TMTC2: variants seen among roughly 807,000 people sequenced by gnomAD.
The protein encoded by TMTC2 is protein O-mannosyl-transferase TMTC2.
In TMTC2, 43 loss-of-function variants were observed where a neutral mutation model predicts 82.4. The ratio of observed to expected loss-of-function variants is 0.52; its 90% CI spans 0.41 to 0.67. The LOEUF is 0.67. Among genes scored for constraint, TMTC2 ranks in the 30% least tolerant of loss-of-function variants. The pLI, the probability that TMTC2 is intolerant of heterozygous loss-of-function variation, is 0.00. For synonymous variants in TMTC2, 408 were observed against 381.9 expected, an observed-to-expected ratio of 1.07 and a Z score of -0.80; for missense variants, 919 against 1,012.4, an observed-to-expected ratio of 0.91 and a Z score of 1.25.
intron 11 of TMTC2, among the ~76,000 whole-genome samples, chr12:83,123,387 C>A (rs1885013972): frequency 6.6e-6 from 1 of 152,254 alleles, no homozygotes; most frequent in East Asian, 1.9e-4. Context: ...ATTTGCCTTG[C>A]CATTGCTAGA....
At chr12:82,943,740 T>C (rs2137266356) in intron 4 of TMTC2, among the ~76,000 whole-genome samples, 1 of 152,378 alleles carries the variant, frequency 6.6e-6, no homozygotes, top group South Asian at 2.1e-4. Flanking sequence ...TTTATAAATA[T>C]GAATTTACAT....
At chr12:82,874,517 T>A (rs911548755) in intron 2 of TMTC2, among the ~76,000 whole-genome samples, 1 of 152,246 alleles carries the variant, frequency 6.6e-6, no homozygotes. Flanking sequence ...AACAAAAGAT[T>A]AAGTTCCAAA....
intron 1 of TMTC2, among the ~76,000 whole-genome samples, chr12:82,733,792 T>G (rs945754606): frequency 6.6e-5 from 10 of 152,248 alleles, no homozygotes; most frequent in Admixed American, 3.3e-4. Flanking sequence ...ATTTGTGTAC[T>G]TCTCTATAGA....
At chr12:83,050,732 G>A (rs1882315116) in intron 9 of TMTC2, among the ~76,000 whole-genome samples, 172 bp from the exon 10 acceptor site, 2 of 151,986 alleles carry the variant, frequency 1.3e-5, no homozygotes, top group African/African-American at 4.8e-5. Context: ...TAGAAACCTT[G>A]AAATGTTCCA....
chr12:82,709,631 G>T (rs2136910862), intron 1 of TMTC2, among the ~76,000 whole-genome samples: 1 of 152,018 alleles, frequency 6.6e-6, no homozygotes, highest in African/African-American at 2.4e-5. Flanking sequence ...TGTAAAAGCC[G>T]ATTTTCAAGT....
At chr12:82,903,800 A>G (rs1218990569) in intron 3 of TMTC2, among the ~76,000 whole-genome samples, 3 of 152,230 alleles carry the variant, frequency 2.0e-5, no homozygotes, top group African/African-American at 7.2e-5. Flanking sequence ...GGATATGTTC[A>G]GTATTATTAC....
At chr12:83,106,219 TC>T in intron 11 of TMTC2, among the ~76,000 whole-genome samples, 1 of 152,208 alleles carries the variant, frequency 6.6e-6, no homozygotes, top group Admixed American at 6.5e-5. Flanking sequence ...ATAGTGACTA[TC>T]TTGGAATTTT....
At chr12:82,978,427 T>C (rs1175806784) in intron 7 of TMTC2, among the ~76,000 whole-genome samples, 8 of 151,780 alleles carry the variant, frequency 5.3e-5, no homozygotes, top group Non-Finnish European at 8.9e-5. Flanking sequence ...AAAATAAGAA[T>C]TCAAAACCAA....
intron 1 of TMTC2, among the ~76,000 whole-genome samples, chr12:82,843,037 A>C (rs1870425839): frequency 6.6e-6 from 1 of 152,180 alleles, no homozygotes; most frequent in South Asian, 2.1e-4. Flanking sequence ...GTAGACAAAG[A>C]GCAGTGACAA....
At position 83,013,241 on chromosome 12, in the gene TMTC2, TATGAAATTAATCG is replaced by T. The variant is rs1012418466; in HGVS notation, c.2071-17554_2071-17542del. On this transcript the variant is annotated intron_variant, in intron 8 of 11. Transcript: ENST00000321196. Reference sequence around the variant, plus strand: ...ATGATATTGTAGATATCCAAACATTTATGAAATTAATCGATTAGTTATTATTATTTTAAAACAT... The same window carrying T: ...ATGATATTGTAGATATCCAAACATTTATTAGTTATTATTATTTTAAAACAT... Among the ~76,000 whole-genome samples the T allele has an allele frequency of 1.8e-3, 279 of 152,276 alleles. 3 individuals are homozygous for T. Among genetic ancestry groups the T allele is most frequent in the African/African-American group, 6.3e-3 (263 of 41,576 alleles).
intron 11 of TMTC2, among the ~76,000 whole-genome samples, chr12:83,077,058 C>T (rs1020748162): frequency 2.6e-5 from 4 of 152,104 alleles, no homozygotes; most frequent in South Asian, 4.1e-4. Context: ...GGGGTCAAGA[C>T]TATTGTGATA....
intron 1 of TMTC2, among the ~76,000 whole-genome samples, chr12:82,833,516 C>A (rs1432826318): frequency 6.6e-6 from 1 of 152,198 alleles, no homozygotes; most frequent in Admixed American, 6.5e-5. Flanking sequence ...TTAAACATAT[C>A]TATTTCTTTT....
At chr12:83,022,017 C>T (rs1440788229) in intron 8 of TMTC2, 1 of 151,908 alleles carries the variant, frequency 6.6e-6, no homozygotes, top group African/African-American at 2.4e-5. Context: ...CTGTTCAACC[C>T]TTTCTTGGTT....
chr12:82,965,053 T>C lies in TMTC2; in HGVS notation c.1628T>C (p.Phe543Ser), dbSNP rs1483707084. The change falls in exon 5 of 12, where the codon TTT becomes TCT. Residue 543 changes from phenylalanine (F) to serine (S), a missense_variant. Physicochemically the swap from Phe to Ser is radical, Grantham distance 155. Coordinates refer to ENST00000321196, the MANE Select transcript of TMTC2 (RefSeq NM_152588.3). ...CTACTTCTCCAGGAGAACAGCAGGT[T>C]TGCAGAAGCACTACATTATTATAAA... ...LGLLLQENSR[F>S]AEALHYYKLA... 6.2e-7 allele frequency: 1 copy of C among 1,612,656 alleles called. No homozygotes were observed. The highest frequency in any genetic ancestry group is 1.7e-5 in the Admixed American group (1 of 59,934).
intron 1 of TMTC2, among the ~76,000 whole-genome samples, chr12:82,837,034 C>G (rs1219285409): frequency 6.6e-6 from 1 of 152,090 alleles, no homozygotes; most frequent in East Asian, 1.9e-4. Context: ...TCATCAGGGA[C>G]AAAATAAGAC....
At chr12:82,909,300 C>T (rs1874494509) in intron 3 of TMTC2, among the ~76,000 whole-genome samples, 1 of 152,070 alleles carries the variant, frequency 6.6e-6, no homozygotes, top group African/African-American at 2.4e-5. Context: ...ACCATCTTCA[C>T]AGCTAGTTTA....
chr12:83,073,651 T>C (rs918251544), intron 11 of TMTC2, among the ~76,000 whole-genome samples: 1 of 152,052 alleles, frequency 6.6e-6, no homozygotes, highest in African/African-American at 2.4e-5. Flanking sequence ...AATCCCAGAC[T>C]TTTTGGAGCC....
At chr12:82,798,774 T>C (rs1465729784) in intron 1 of TMTC2, among the ~76,000 whole-genome samples, 1 of 133,292 alleles carries the variant, frequency 7.5e-6, no homozygotes, top group Non-Finnish European at 1.5e-5. Context: ...ACCACTGCAC[T>C]CCAGCCTGGG....
At chr12:82,789,353 G>A (rs1194170492) in intron 1 of TMTC2, among the ~76,000 whole-genome samples, 1 of 152,044 alleles carries the variant, frequency 6.6e-6, no homozygotes, top group Non-Finnish European at 1.5e-5. Flanking sequence ...AATAAAGAGG[G>A]AGGAACAAAT....
Sources: allele counts gnomAD v4.1 joint callset (sites outside exome capture counted in the v4.1 genomes callset), GRCh38; gene constraint gnomAD v4.1.1; transcripts MANE v1.5; gene names NCBI Gene and HGNC (gene_info 2026-07-23, HGNC 2026-07-21).